DERPC: variants seen among roughly 807,000 people sequenced by gnomAD.
DERPC encodes DERPC proline and glycine rich nuclear protein.
A neutral mutation model predicts 7.2 loss-of-function variants in DERPC; 1 was observed. That is an observed-to-expected ratio of 0.14 (90% CI 0.05 to 0.66). The LOEUF (loss-of-function observed/expected upper bound fraction) is 0.66. Among genes scored for constraint, DERPC ranks in the 30% least tolerant of loss-of-function variants. DERPC has a pLI of 0.84. For synonymous variants in DERPC, 185 were observed against 117.6 expected (o/e 1.57, Z -3.71); for missense variants, 502 against 299.4 (o/e 1.68, Z -4.99).
At chr16:69,125,594 T>C (rs1267980450) in intron 1 of DERPC, among the ~76,000 whole-genome samples, 1 of 152,174 alleles carries the variant, frequency 6.6e-6, no homozygotes, top group African/African-American at 2.4e-5. Flanking sequence ...CAAGAGAGCA[T>C]CCTTGAATTG....
chr16:69,124,899 G>A (rs944357143), intron 1 of DERPC, among the ~76,000 whole-genome samples: 5 of 151,636 alleles, frequency 3.3e-5, no homozygotes, highest in African/African-American at 9.7e-5. Flanking sequence ...ACATGAAATT[G>A]GTCAACTCAC....
At chr16:69,131,916 C>A (rs1053729824) in intron 1 of DERPC, among the ~76,000 whole-genome samples, 1 of 152,020 alleles carries the variant, frequency 6.6e-6, no homozygotes, top group Non-Finnish European at 1.5e-5. Context: ...AAGCCTCCCC[C>A]CTCCACGATT....
intron 1 of DERPC, among the ~76,000 whole-genome samples, chr16:69,130,330 G>A (rs1333573116): frequency 6.6e-6 from 1 of 151,856 alleles, no homozygotes; most frequent in Non-Finnish European, 1.5e-5. Flanking sequence ...TTTCAAACAG[G>A]AAACCAAGCC....
At chr16:69,121,178 C>G (rs1454230992) in intron 2 of DERPC, 1 of 1,609,906 alleles carries the variant, frequency 6.2e-7, no homozygotes, top group South Asian at 1.1e-5. Flanking sequence ...GCACTGCAAG[C>G]AAAGGGCTGG....
At chr16:69,121,224 G>T in intron 2 of DERPC, 1 of 1,511,568 alleles carries the variant, frequency 6.6e-7, no homozygotes, top group Non-Finnish European at 9.1e-7. Context: ...AGGATGAATA[G>T]TGTCCTCACA....
intron 1 of DERPC, among the ~76,000 whole-genome samples, chr16:69,128,979 G>A (rs1962290477): frequency 6.6e-6 from 1 of 151,934 alleles, no homozygotes; most frequent in South Asian, 2.1e-4. Context: ...CAGGAAAATC[G>A]CTTGATCCTG....
chr16:69,121,524 A>G, intron 1 of DERPC, 31 bp from the exon 2 acceptor site: 4 of 1,375,284 alleles, frequency 2.9e-6, no homozygotes, highest in South Asian at 1.3e-5. Context: ...ATTTAGGGTA[A>G]TAACAACAAC....
In DERPC at chr16:69,118,850, G is replaced by GTGTT; in HGVS notation, c.1575_*3dup. 1.4e-6 allele frequency: 1 copy of GTGTT among 699,894 alleles called. No homozygotes were observed. The highest frequency in any genetic ancestry group is 2.6e-6 in the Non-Finnish European group (1 of 382,934). The allele number at this position is 699,894 out of a possible 1,614,324, so 43.4% of individuals were successfully genotyped here. On this transcript the variant is annotated 3_prime_UTR_variant, in exon 3 of 3. Transcript: ENST00000519520. ...CCAAGGTGGTCCTGGAGGGAAAATG[G>GTGTT]TGTTTAAGGGGGCAACATTCCATTT...
Position 69,119,683 on chromosome 16 carries a change from A to C in DERPC, c.746T>G (p.Leu249Arg), listed in dbSNP as rs1169218474. The C allele has an allele frequency of 1.5e-6, 1 of 675,726 alleles. No homozygotes were observed. Among genetic ancestry groups the C allele is most frequent in the Admixed American group, 2.2e-5 (1 of 46,034 alleles). 41.9% of individuals were successfully genotyped at this position (675,726 alleles called of 1,614,324 possible). Residue 249 changes from leucine (L) to arginine (R), a missense_variant, in exon 3 of 3, where the codon CTA becomes CGA. Physicochemically the swap from Leu to Arg is moderately radical, Grantham distance 102 (BLOSUM62 -2). Transcript: ENST00000519520. ...CAAGAGGCCACCTGCTCTGGCATCT[A>C]GATTAGGGCCTGGGCCCAGGCCACT... ...RPSGLGPGPNLDARAGGLLGT... is the reference protein window; with the variant it reads ...RPSGLGPGPNRDARAGGLLGT...
In DERPC at chr16:69,120,341, G is replaced by A; in HGVS notation, c.88C>T (p.Leu30=). The A allele has an allele frequency of 7.3e-7, 1 of 1,375,978 alleles. No individual in the cohort carries two copies. Among genetic ancestry groups the A allele is most frequent in the Admixed American group, 1.7e-5 (1 of 57,188 alleles). The allele number at this position is 1,375,978 out of a possible 1,614,324, so 85.2% of individuals were successfully genotyped here. A position where few individuals can be genotyped will look rare whatever the true frequency, so the allele number is the denominator to read the frequency against. Residue 30 remains leucine, a synonymous_variant, in exon 3 of 3, where the codon CTG becomes TTG. Transcript: ENST00000519520. The surrounding 1 kb of genome is among the most constrained non-coding windows in gnomAD (Gnocchi z 4.0). The stretch of plus-strand genomic sequence containing the variant: ...AGAACAGGACCCCCCTGTGGTCCCA[G>A]GGAACCGTCGAGCCGTCCTCGAGGT... The part of the protein sequence containing the change: ...LPPRGRLDGS[L]GPQGGPVLNT...
At position 69,121,496 on chromosome 16, in the gene DERPC, GTA is replaced by G. The variant is rs779733020; in HGVS notation, c.-279-5_-279-4del. 6.4e-7 allele frequency: 1 copy of G among 1,570,358 alleles called. No individual in the cohort carries two copies. Among genetic ancestry groups the G allele is most frequent in the Non-Finnish European group, 8.6e-7 (1 of 1,156,360 alleles). ...TTTAAAAAGCAAGTGAAAACAAGCT[GTA>G]GAGAGAAAAAAAGAGATTTAGGGTA... On this transcript the variant is annotated splice_region_variant and splice_polypyrimidine_tract_variant and intron_variant, in intron 1 of 2. Transcript: ENST00000519520.
chr16:69,126,594 T>C (rs147286517), intron 1 of DERPC, among the ~76,000 whole-genome samples: 3 of 152,316 alleles, frequency 2.0e-5, no homozygotes, highest in East Asian at 3.9e-4. Context: ...CCTAGAACTA[T>C]TGGGATGCTG....
intron 2 of DERPC, 42 bp downstream of exon 2, chr16:69,121,394 C>G: frequency 6.4e-7 from 1 of 1,565,114 alleles, no homozygotes; most frequent in Admixed American, 1.8e-5. Flanking sequence ...CTATAGCCCT[C>G]ATCATTTCAA....
intron 1 of DERPC, among the ~76,000 whole-genome samples, chr16:69,121,873 G>T (rs997871687): frequency 6.6e-5 from 10 of 152,278 alleles, no homozygotes; most frequent in Admixed American, 6.5e-4. Context: ...GTTTCACCAT[G>T]TTAGCCAGGA....
Position 69,119,453 on chromosome 16 carries a change from G to A in DERPC, c.976C>T (p.Leu326Phe), listed in dbSNP as rs1470419156. Residue 326 changes from leucine to phenylalanine, a missense_variant, in exon 3 of 3, where the codon CTT becomes TTT. Leu to Phe is a conservative substitution (Grantham distance 22). Coordinates refer to ENST00000519520, the MANE Select transcript of DERPC (RefSeq NM_001002847.4). Reference sequence around the variant, plus strand: ...ATGGGAGATGGATTTGGCCCTGGAAGGCCAATTCCCCGAGAGCTAGGACCC... The same window carrying A: ...ATGGGAGATGGATTTGGCCCTGGAAAGCCAATTCCCCGAGAGCTAGGACCC... The part of the protein sequence containing the change: ...NSGPSSRGIG[L>F]PGPNPSPMSR... The A allele has an allele frequency of 8.5e-6, 6 of 702,890 alleles. No homozygotes were observed. The highest frequency in any genetic ancestry group is 2.0e-5 in the Admixed American group (1 of 50,004). 43.5% of individuals were successfully genotyped at this position (702,890 alleles called of 1,614,324 possible). A position where few individuals can be genotyped will look rare whatever the true frequency, so the allele number is the denominator to read the frequency against.
intron 1 of DERPC, 148 bp downstream of exon 1, chr16:69,132,336 C>T (rs1962609254): frequency 6.7e-6 from 1 of 148,354 alleles, no homozygotes; most frequent in South Asian, 2.0e-4. Context: ...CCGCGCTCCC[C>T]GCCCCTCGGC....
Position 69,120,963 on chromosome 16 carries a change from G to T in DERPC, c.-221-314C>A. On this transcript the variant is annotated intron_variant, in intron 2 of 2. Coordinates refer to ENST00000519520, the MANE Select transcript of DERPC (RefSeq NM_001002847.4). The surrounding 1 kb of genome is among the most constrained non-coding windows in gnomAD (Gnocchi z 4.0). ...TAGCTAGGCCTTGAATAACAAACCTGAGGCAGTCCTCACTCTGGGTCCTGG... is the reference window on the plus strand; with the variant it reads ...TAGCTAGGCCTTGAATAACAAACCTTAGGCAGTCCTCACTCTGGGTCCTGG... The T allele has an allele frequency of 9.2e-7, 1 of 1,086,994 alleles. No homozygotes were observed. Among genetic ancestry groups the T allele is most frequent in the Non-Finnish European group, 1.4e-6 (1 of 698,528 alleles). The allele number at this position is 1,086,994 out of a possible 1,614,324, so 67.3% of individuals were successfully genotyped here.
In DERPC at chr16:69,118,741, C is replaced by G. The variant is rs1961368869; in HGVS notation, c.*113G>C. On this transcript the variant is annotated 3_prime_UTR_variant, in exon 3 of 3. Coordinates refer to ENST00000519520, the MANE Select transcript of DERPC (RefSeq NM_001002847.4). ...AAAAGATGGCTCATTTGAACTTGAG[C>G]CCAAGCTATGTTCTTCAGACTGTAG... 3 of 639,378 alleles carry G rather than the reference C, an allele frequency of 4.7e-6. No individual in the cohort carries two copies. Among genetic ancestry groups the G allele is most frequent in the Non-Finnish European group, 5.6e-6 (2 of 356,714 alleles). The allele number at this position is 639,378 out of a possible 1,614,324, so 39.6% of individuals were successfully genotyped here.
chr16:69,119,977 G>C lies in DERPC; in HGVS notation c.452C>G (p.Pro151Arg), dbSNP rs1000311617. 1 of 698,310 alleles carries C rather than the reference G, an allele frequency of 1.4e-6. No homozygotes were observed. The highest frequency in any genetic ancestry group is 2.6e-6 in the Non-Finnish European group (1 of 381,464). The allele number at this position is 698,310 out of a possible 1,614,324, so 43.3% of individuals were successfully genotyped here. Reference sequence around the variant, plus strand: ...TGGGTTGGACATAGGACCTGGTCCTGGGAGACCCCCTAACCTGGGGTTAGA... The same window carrying C: ...TGGGTTGGACATAGGACCTGGTCCTCGGAGACCCCCTAACCTGGGGTTAGA... ...PLSNPRLGGL[P>R]GPGPMSNPRA... Residue 151 changes from proline (P) to arginine (R), a missense_variant, in exon 3 of 3, where the codon CCA (proline) becomes CGA (arginine). Pro to Arg is a moderately radical substitution (Grantham distance 103). Transcript: ENST00000519520.
Sources: allele counts gnomAD v4.1 joint callset (sites outside exome capture counted in the v4.1 genomes callset), GRCh38; gene constraint gnomAD v4.1.1; non-coding constraint Gnocchi (gnomAD v3.1); transcripts MANE v1.5; gene names NCBI Gene and HGNC (gene_info 2026-07-23, HGNC 2026-07-21).